PERP: variants seen among roughly 807,000 people sequenced by gnomAD.
PERP encodes p53 apoptosis effector related to PMP-22.
PERP carries 11 observed loss-of-function variants against 20.3 expected under a neutral mutation model. That is an observed-to-expected ratio of 0.54 (90% confidence interval 0.34 to 0.90). The LOEUF (loss-of-function observed/expected upper bound fraction) is 0.90. Among genes scored for constraint, PERP ranks in the 40% least tolerant of loss-of-function variants. PERP has a pLI of 0.02. For synonymous variants in PERP, 101 were observed against 102.0 expected (o/e 0.99, Z 0.06); for missense variants, 224 against 249.4 (o/e 0.90, Z 0.69).
chr6:138,099,885 T>C (rs144297165), intron 1 of PERP, among the ~76,000 whole-genome samples: 28 of 152,362 alleles, frequency 1.8e-4, no homozygotes, highest in African/African-American at 6.3e-4. Flanking sequence ...ACTCAGTTCA[T>C]GTCTTGCTTA....
intron 1 of PERP, among the ~76,000 whole-genome samples, chr6:138,104,540 A>G (rs1775816849): frequency 6.6e-6 from 1 of 152,244 alleles, no homozygotes; most frequent in African/African-American, 2.4e-5. Flanking sequence ...CTTGCCAGGA[A>G]TAACCTGTGT....
At chr6:138,107,000 A>C in intron 1 of PERP, 127 bp downstream of exon 1, 2 of 925,318 alleles carry the variant, frequency 2.2e-6, no homozygotes, top group Non-Finnish European at 3.1e-6. Flanking sequence ...AGCTCGTCCT[A>C]AACAGGCATT....
In PERP at chr6:138,096,339, G is replaced by A. The variant is rs1554239607; in HGVS notation, c.355+15C>T. The A allele has an allele frequency of 6.2e-7, 1 of 1,612,856 alleles. No individual in the cohort carries two copies. The highest frequency in any genetic ancestry group is 8.5e-7 in the Non-Finnish European group (1 of 1,179,468). On this transcript the variant is annotated intron_variant, in intron 2 of 2. Coordinates refer to ENST00000421351, the MANE Select transcript of PERP (RefSeq NM_022121.5). ...CTGAAGGCATAAATGAAGAATTGCT[G>A]ACACACAGTCTTACCAGCCAAGGCA...
intron 1 of PERP, among the ~76,000 whole-genome samples, chr6:138,098,038 GGTATGA>G (rs1775722541): frequency 6.6e-6 from 1 of 152,116 alleles, no homozygotes. Flanking sequence ...CACTGAGTAT[GGTATGA>G]TGCGGTTTGT....
intron 2 of PERP, among the ~76,000 whole-genome samples, chr6:138,093,229 A>G (rs1775618242): frequency 6.6e-6 from 1 of 152,124 alleles, no homozygotes; most frequent in African/African-American, 2.4e-5. Context: ...CTCTTTCACC[A>G]TAAGACACTA....
intron 2 of PERP, among the ~76,000 whole-genome samples, chr6:138,095,625 C>T (rs1365827450): frequency 1.3e-5 from 2 of 152,214 alleles, no homozygotes; most frequent in Non-Finnish European, 2.9e-5. Context: ...TTTTTCCCTG[C>T]TCAGAAAGTC....
In PERP at chr6:138,090,705, T is replaced by A. The variant is rs1216793526; in HGVS notation, c.*1337A>T. 1 of 151,904 alleles carries A rather than the reference T, an allele frequency of 6.6e-6. No individual in the cohort carries two copies. Among genetic ancestry groups the A allele is most frequent in the Non-Finnish European group, 1.5e-5 (1 of 67,852 alleles). 9.4% of individuals were successfully genotyped at this position (151,904 alleles called of 1,614,324 possible). A position where few individuals can be genotyped will look rare whatever the true frequency, so the allele number is the denominator to read the frequency against. On this transcript the variant is annotated 3_prime_UTR_variant, in exon 3 of 3. Transcript: ENST00000421351. ...CAAACAAAAACCACTTTTCATTATA[T>A]CCCATGTTCTTATTACCCATTTTTT...
intron 1 of PERP, among the ~76,000 whole-genome samples, chr6:138,104,118 G>A (rs1392168808): frequency 6.6e-6 from 1 of 152,210 alleles, no homozygotes; most frequent in East Asian, 1.9e-4. Context: ...AGCTGCGGCT[G>A]AAAATATCCT....
intron 1 of PERP, among the ~76,000 whole-genome samples, chr6:138,106,839 G>GA (rs1307296022): frequency 6.7e-6 from 1 of 149,712 alleles, no homozygotes; most frequent in Non-Finnish European, 1.5e-5. Flanking sequence ...TGCAATGCTT[G>GA]AAATAATCTT....
chr6:138,102,808 ATCTG>A (rs1432074879), intron 1 of PERP, among the ~76,000 whole-genome samples: 1 of 152,280 alleles, frequency 6.6e-6, no homozygotes, highest in East Asian at 1.9e-4. Flanking sequence ...GCAAAGAGTA[ATCTG>A]TCTGCGGCCA....
intron 1 of PERP, among the ~76,000 whole-genome samples, chr6:138,100,893 C>T (rs527802083): frequency 1.3e-5 from 2 of 152,216 alleles, no homozygotes; most frequent in South Asian, 2.1e-4. Flanking sequence ...ATCAAGAACA[C>T]GGAAACCATT....
intron 2 of PERP, among the ~76,000 whole-genome samples, chr6:138,094,996 T>C (rs1775656563): frequency 6.6e-6 from 1 of 152,198 alleles, no homozygotes; most frequent in Admixed American, 6.5e-5. Context: ...GCTAGGATTA[T>C]AGGCATGAGC....
chr6:138,101,475 A>G (rs1364548607), intron 1 of PERP, among the ~76,000 whole-genome samples: 5 of 152,214 alleles, frequency 3.3e-5, no homozygotes. Flanking sequence ...ATTGTTGGTG[A>G]TACTTTGGAG....
intron 1 of PERP, among the ~76,000 whole-genome samples, chr6:138,104,578 A>G (rs757268450): frequency 1.3e-5 from 2 of 152,240 alleles, no homozygotes; most frequent in Non-Finnish European, 2.9e-5. Context: ...ACATATTGTT[A>G]TGATTATCAA....
Position 138,104,920 on chromosome 6 carries a change from C to T in PERP, c.214+2207G>A, listed in dbSNP as rs143859840. The stretch of plus-strand genomic sequence containing the variant: ...CAGAGTTCATAGATGCCTAGATAAT[C>T]GCCTTACAGTGTCGTTATACACAGC... On this transcript the variant is annotated intron_variant, in intron 1 of 2. Coordinates refer to ENST00000421351, the MANE Select transcript of PERP (RefSeq NM_022121.5). 2.4e-3 allele frequency among the ~76,000 whole-genome samples: 368 copies of T among 150,538 alleles called. 1 individual carries two copies. The highest frequency in any genetic ancestry group is 8.9e-3 in the African/African-American group (355 of 39,842).
intron 1 of PERP, among the ~76,000 whole-genome samples, chr6:138,096,878 G>A (rs9494937): frequency 0.46 from 70,074 of 152,014 alleles, 16,585 homozygotes; most frequent in East Asian, 0.71. Context: ...TTGGTACTGA[G>A]CAATCCAGAT....
rs1250114473 is a variant in PERP at position 138,090,026 on chromosome 6, G to C, written c.*2016C>G. The C allele has an allele frequency of 6.6e-6, 1 of 152,138 alleles. No homozygotes were observed. Among genetic ancestry groups the C allele is most frequent in the African/African-American group, 2.4e-5 (1 of 41,436 alleles). 9.4% of individuals were successfully genotyped at this position (152,138 alleles called of 1,614,324 possible). A position where few individuals can be genotyped will look rare whatever the true frequency, so the allele number is the denominator to read the frequency against. ...ACGTTTCTTAATCTCTAGATATCCA[G>C]TATCTTCTTGAATGAGCTGTGGTAT... On this transcript the variant is annotated 3_prime_UTR_variant, in exon 3 of 3. Coordinates refer to ENST00000421351, the MANE Select transcript of PERP (RefSeq NM_022121.5).
Position 138,096,457 on chromosome 6 carries a change from G to A in PERP, c.252C>T (p.Gly84=). ...TGAAACAGATCACCAGGATGATGAA[G>A]CCACAGAAGAGCATGGCAGCCGCTG... is the stretch of plus-strand genomic sequence containing the variant. ...GRAAAAMLFC[G]FIILVICFIL... Residue 84 remains glycine, a synonymous_variant, in exon 2 of 3, where the codon GGC becomes GGT. Coordinates refer to ENST00000421351, the MANE Select transcript of PERP (RefSeq NM_022121.5). The A allele has an allele frequency of 6.2e-7, 1 of 1,613,766 alleles. No individual in the cohort carries two copies. Among genetic ancestry groups the A allele is most frequent in the African/African-American group, 1.3e-5 (1 of 75,040 alleles).
chr6:138,103,473 C>T (rs550166354), intron 1 of PERP, among the ~76,000 whole-genome samples: 2 of 152,222 alleles, frequency 1.3e-5, no homozygotes, highest in African/African-American at 4.8e-5. Flanking sequence ...AATACCTTTC[C>T]CTACCCCACT....
Sources: gnomAD v4.1 joint callset for allele counts (sites outside exome capture counted in the v4.1 genomes callset) on GRCh38, gnomAD v4.1.1 for gene constraint, MANE v1.5 for transcripts, NCBI Gene and HGNC (gene_info 2026-07-23, HGNC 2026-07-21) for gene names.